EXOSC7: variants seen among roughly 807,000 people sequenced by gnomAD.
EXOSC7 encodes the protein exosome complex component RRP42.
EXOSC7 carries 25 observed loss-of-function variants against 34.3 expected under a neutral mutation model. The ratio of observed to expected loss-of-function variants is 0.73; its 90% CI spans 0.53 to 1.02. The LOEUF (loss-of-function observed/expected upper bound fraction) is 1.02. Ranked by LOEUF, EXOSC7 falls within the 50% of genes least tolerant of loss-of-function variation. The probability of loss-of-function intolerance (pLI) is 0.00; values close to 1 mark genes in which losing one functional copy is unlikely to be tolerated. For synonymous variants in EXOSC7, 130 were observed against 143.0 expected (o/e 0.91, Z 0.65); for missense variants, 370 against 368.5 (o/e 1.00, Z -0.03).
At chr3:44,996,026 G>C (rs1553699515) in intron 3 of EXOSC7, among the ~76,000 whole-genome samples, 2 of 152,154 alleles carry the variant, frequency 1.3e-5, no homozygotes, top group Non-Finnish European at 2.9e-5. Flanking sequence ...CTACCTCACT[G>C]TTTGCTCCCT....
chr3:44,981,962 G>T (rs570788931), intron 1 of EXOSC7, among the ~76,000 whole-genome samples: 5 of 152,192 alleles, frequency 3.3e-5, no homozygotes. Flanking sequence ...CTGAGGTACC[G>T]CCTCTCATGG....
chr3:44,988,059 A>G (rs542787321), intron 1 of EXOSC7, among the ~76,000 whole-genome samples: 2 of 152,310 alleles, frequency 1.3e-5, no homozygotes, highest in East Asian at 3.9e-4. Context: ...TAATACTCCA[A>G]CAGCAATGAA....
In EXOSC7 at chr3:44,989,378, G is replaced by C. The variant is rs1313713915; in HGVS notation, c.159+137G>C. 6 of 824,990 alleles carry C rather than the reference G, an allele frequency of 7.3e-6. No individual in the cohort carries two copies. In the East Asian group the frequency reaches 1.6e-4, roughly 22 times the overall value. 51.1% of individuals were successfully genotyped at this position (824,990 alleles called of 1,614,324 possible). On this transcript the variant is annotated intron_variant, in intron 2 of 7. Coordinates refer to ENST00000265564, the MANE Select transcript of EXOSC7 (RefSeq NM_015004.4). ...AAGATCCGAGCCAAACTCAGGGAGG[G>C]GGGGTCTATCCAGATCTGAAAAGAC...
At chr3:44,976,369 G>A (rs1467608502) in intron 1 of EXOSC7, 35 bp downstream of exon 1, 1 of 1,543,630 alleles carries the variant, frequency 6.5e-7, no homozygotes, top group South Asian at 1.2e-5. Context: ...CGGCCGCCGG[G>A]TTCAGCCTGG....
intron 3 of EXOSC7, 27 bp downstream of exon 3, chr3:44,989,671 T>C (rs776810099): frequency 6.6e-7 from 1 of 1,512,284 alleles, no homozygotes; most frequent in Non-Finnish European, 9.2e-7. Flanking sequence ...CAGATATTTC[T>C]AAAGATAAAT....
At chr3:44,986,818 C>A (rs1706432151) in intron 1 of EXOSC7, among the ~76,000 whole-genome samples, 1 of 152,144 alleles carries the variant, frequency 6.6e-6, no homozygotes, top group Non-Finnish European at 1.5e-5. Flanking sequence ...TGTGGTGCTG[C>A]AGTGTTTTGC....
At chr3:44,999,319 G>A (rs1001833152) in intron 4 of EXOSC7, among the ~76,000 whole-genome samples, 2 of 152,114 alleles carry the variant, frequency 1.3e-5, no homozygotes, top group Admixed American at 1.3e-4. Flanking sequence ...TAAGACTCCT[G>A]GCATTTGGAT....
In EXOSC7 at chr3:44,999,513, A is replaced by C. The variant is rs368870101; in HGVS notation, c.421-2025A>C. On this transcript the variant is annotated intron_variant, in intron 4 of 7. Coordinates refer to ENST00000265564, the MANE Select transcript of EXOSC7 (RefSeq NM_015004.4). Reference sequence around the variant, plus strand: ...AGACCAGCCTGGAAAACATGGTGAAACCCTGTCTCTACTAAAAATACAAAA... The same window carrying C: ...AGACCAGCCTGGAAAACATGGTGAACCCCTGTCTCTACTAAAAATACAAAA... Among the ~76,000 whole-genome samples, 86 of 152,156 alleles carry C rather than the reference A, an allele frequency of 5.7e-4. 1 individual carries two copies. The East Asian group carries it at 9.5e-3, about 17-fold the overall frequency.
chr3:44,986,109 T>C (rs1457389205), intron 1 of EXOSC7, among the ~76,000 whole-genome samples: 1 of 151,760 alleles, frequency 6.6e-6, no homozygotes, highest in African/African-American at 2.4e-5. Flanking sequence ...TCCCCTGCCA[T>C]GCACCCGCAT....
At chr3:44,991,606 T>C (rs1706575070) in intron 3 of EXOSC7, among the ~76,000 whole-genome samples, 1 of 152,182 alleles carries the variant, frequency 6.6e-6, no homozygotes, top group South Asian at 2.1e-4. Flanking sequence ...TACGTTTCAT[T>C]GTGGCTCTGT....
At chr3:44,989,406 C>T in intron 2 of EXOSC7, 144 bp from the exon 3 acceptor site, 1 of 800,624 alleles carries the variant, frequency 1.2e-6, no homozygotes, top group Non-Finnish European at 2.0e-6. Flanking sequence ...GAAAAGACTG[C>T]TCACCTCCTC....
At chr3:44,999,221 C>T (rs189884033) in intron 4 of EXOSC7, among the ~76,000 whole-genome samples, 1 of 152,328 alleles carries the variant, frequency 6.6e-6, no homozygotes, top group Non-Finnish European at 1.5e-5. Flanking sequence ...AAGCAGCCCT[C>T]TTCAGTGAGC....
Position 45,011,301 on chromosome 3 carries a change from C to G in EXOSC7, c.838C>G (p.Leu280Val), listed in dbSNP as rs1319205945. 14 of 1,613,118 alleles carry G rather than the reference C, an allele frequency of 8.7e-6. No individual in the cohort carries two copies. In the Middle Eastern group the frequency reaches 6.6e-4, roughly 76 times the overall value. ...LQSVVHKEES[L>V]GPKRQKVGFL... ...GAGTGTTGTGCACAAGGAAGAAAGCCTGGGGCCCAAGAGACAGAAAGTTGG... is the reference window on the plus strand; with the variant it reads ...GAGTGTTGTGCACAAGGAAGAAAGCGTGGGGCCCAAGAGACAGAAAGTTGG... Residue 280 changes from leucine (L) to valine (V), a missense_variant, in exon 8 of 8, where the codon CTG (leucine) becomes GTG (valine). Physicochemically the swap from Leu to Val is conservative, Grantham distance 32. Transcript: ENST00000265564.
chr3:44,991,840 C>G (rs1706582013), intron 3 of EXOSC7, among the ~76,000 whole-genome samples: 1 of 152,156 alleles, frequency 6.6e-6, no homozygotes, highest in African/African-American at 2.4e-5. Flanking sequence ...GCTCCAGTAT[C>G]TAGGTAGTTC....
At chr3:45,000,685 A>G (rs1010046383) in intron 4 of EXOSC7, among the ~76,000 whole-genome samples, 2 of 152,242 alleles carry the variant, frequency 1.3e-5, no homozygotes, top group African/African-American at 4.8e-5. Flanking sequence ...TACATTGATC[A>G]TTACATACGA....
intron 4 of EXOSC7, among the ~76,000 whole-genome samples, chr3:44,998,197 G>C (rs557054753): frequency 4.7e-4 from 72 of 151,922 alleles, no homozygotes; most frequent in African/African-American, 1.6e-3. Context: ...CACCATGCCT[G>C]GCTCATTTTT....
chr3:44,985,372 T>C (rs986344036), intron 1 of EXOSC7, among the ~76,000 whole-genome samples: 5 of 152,230 alleles, frequency 3.3e-5, no homozygotes, highest in Non-Finnish European at 7.3e-5. Context: ...AGAATGAAGC[T>C]GCAGACCCTC....
rs2125965360 is a variant in EXOSC7 at position 44,989,775 on chromosome 3, G to A, written c.254+131G>A. 12 of 685,448 alleles carry A rather than the reference G, an allele frequency of 1.8e-5. No individual in the cohort carries two copies. The South Asian group carries it at 2.2e-4, about 12-fold the overall frequency. 42.5% of individuals were successfully genotyped at this position (685,448 alleles called of 1,614,324 possible). ...TTCAGCCATCCAGCAGGCATTTGCTGACCTCCTCCTATGTGCCAGGTACAT... is the reference window on the plus strand; with the variant it reads ...TTCAGCCATCCAGCAGGCATTTGCTAACCTCCTCCTATGTGCCAGGTACAT... On this transcript the variant is annotated intron_variant, in intron 3 of 7. Transcript: ENST00000265564.
At chr3:45,011,592 C>G (rs1356868808), downstream of EXOSC7, 2 of 307,154 alleles carry the variant, frequency 6.5e-6, no homozygotes, top group Admixed American at 5.0e-5. Context: ...AAGGGAGACC[C>G]CCACAAGCTG....
Sources: allele counts gnomAD v4.1 joint callset (sites outside exome capture counted in the v4.1 genomes callset), GRCh38; gene constraint gnomAD v4.1.1; transcripts MANE v1.5; gene names NCBI Gene and HGNC (gene_info 2026-07-23, HGNC 2026-07-21).